The following FOXP2 variants were observed in gnomAD, a reference collection of about 807,000 sequenced individuals.
FOXP2 encodes the protein forkhead box P2, also known as forkhead box protein P2.
Under a neutral mutation model 115.8 loss-of-function variants are expected in FOXP2, and 12 were observed. The observed-to-expected ratio is 0.10, with a 90% CI of 0.07 to 0.17. The LOEUF (loss-of-function observed/expected upper bound fraction) is 0.17, where lower values mean the gene tolerates loss of function less well. Among genes scored for constraint, FOXP2 ranks in the 10% least tolerant of loss-of-function variants. The pLI, the probability that FOXP2 is intolerant of heterozygous loss-of-function variation, is 1.00. For synonymous variants in FOXP2, 328 were observed against 297.7 expected (o/e 1.10, Z -1.05); for missense variants, 629 against 843.5 (o/e 0.75, Z 3.15).
At chr7:114,223,282 G>A (rs1179207843) in intron 1 of FOXP2, among the ~76,000 whole-genome samples, 1 of 151,808 alleles carries the variant, frequency 6.6e-6, no homozygotes, top group East Asian at 1.9e-4. Context: ...TGCTCCTTTT[G>A]TTTCCCTCAG....
At chr7:114,206,184 A>T (rs1794198420) in intron 1 of FOXP2, among the ~76,000 whole-genome samples, 1 of 152,150 alleles carries the variant, frequency 6.6e-6, no homozygotes, top group Admixed American at 6.5e-5. Flanking sequence ...AGACAAAGCA[A>T]GCTGTGAAAT....
chr7:114,231,585 G>A (rs1312550732), intron 1 of FOXP2, among the ~76,000 whole-genome samples: 1 of 152,132 alleles, frequency 6.6e-6, no homozygotes, highest in Non-Finnish European at 1.5e-5. Context: ...TTTGTCAAAT[G>A]ATCTTCCACA....
rs951746440 is a variant in FOXP2 at position 114,429,627 on chromosome 7, A to G, written c.168+2948A>G. 3.3e-5 allele frequency among the ~76,000 whole-genome samples: 5 copies of G among 151,550 alleles called. No homozygotes were observed. In the Admixed American group the frequency reaches 3.3e-4, roughly 10 times the overall value. On this transcript the variant is annotated intron_variant, in intron 2 of 16. Coordinates refer to ENST00000350908, the MANE Select transcript of FOXP2 (RefSeq NM_014491.4). ...ATAGTTGCTAAAACTTGATTGCTTTACAGGGTGGATTTGAGCTTGCATTTT... is the reference window on the plus strand; with the variant it reads ...ATAGTTGCTAAAACTTGATTGCTTTGCAGGGTGGATTTGAGCTTGCATTTT...
At chr7:114,440,569 C>G (rs1372982324) in intron 2 of FOXP2, among the ~76,000 whole-genome samples, 2 of 152,074 alleles carry the variant, frequency 1.3e-5, no homozygotes, top group Non-Finnish European at 2.9e-5. Flanking sequence ...GTTCTGAGAT[C>G]AGAAAATGAC....
intron 1 of FOXP2, among the ~76,000 whole-genome samples, chr7:114,275,196 T>C (rs186087614): frequency 2.0e-5 from 3 of 152,222 alleles, no homozygotes; most frequent in Admixed American, 2.0e-4. Context: ...TGTGGGTTAG[T>C]GTTTGACAAT....
intron 3 of FOXP2, among the ~76,000 whole-genome samples, chr7:114,577,709 C>G (rs74461259): frequency 0.085 from 12,853 of 151,798 alleles, 611 homozygotes; most frequent in Middle Eastern, 0.16. Context: ...TCTTCAGATA[C>G]AGAATTCTAG....
rs183236611 is a variant in FOXP2, at chr7:114,187,646, A to G, written c.-102+24558A>G. ...TCATTTCAAAACTGTTCCAGCCTGT[A>G]ACTAGTACCTGGTTCCAAAGTCACG... On this transcript the variant is annotated intron_variant, in intron 1 of 17. Transcript: ENST00000634411. 6.6e-5 allele frequency among the ~76,000 whole-genome samples: 10 copies of G among 152,354 alleles called. No homozygotes were observed. The East Asian group carries it at 1.7e-3, about 26-fold the overall frequency.
intron 9 of FOXP2, among the ~76,000 whole-genome samples, chr7:114,652,817 T>G (rs1317628887): frequency 6.6e-6 from 1 of 152,292 alleles, no homozygotes; most frequent in African/African-American, 2.4e-5. Context: ...TAAAGGCAGA[T>G]AATTTATATC....
upstream of FOXP2, among the ~76,000 whole-genome samples, chr7:114,087,596 C>T (rs1799446721): frequency 6.8e-6 from 1 of 148,148 alleles, no homozygotes; most frequent in Non-Finnish European, 1.5e-5. Flanking sequence ...GTCCGAACGC[C>T]CTTCGCGCTC....
intron 2 of FOXP2, among the ~76,000 whole-genome samples, chr7:114,531,615 A>G (rs1235161948): frequency 2.0e-5 from 3 of 151,876 alleles, no homozygotes; most frequent in East Asian, 1.9e-4. Flanking sequence ...CCCACCTCTT[A>G]TGTTTACTAT....
At chr7:114,681,221 T>A (rs2129350295) in intron 16 of FOXP2, among the ~76,000 whole-genome samples, 1 of 152,268 alleles carries the variant, frequency 6.6e-6, no homozygotes, top group East Asian at 1.9e-4. Flanking sequence ...TAGGAGATAA[T>A]GTTAATATGT....
At chr7:114,590,028 T>C (rs1802365916) in intron 3 of FOXP2, among the ~76,000 whole-genome samples, 2 of 152,174 alleles carry the variant, frequency 1.3e-5, no homozygotes, top group Non-Finnish European at 2.9e-5. Context: ...TAATATTTTA[T>C]TTAAATTACA....
chr7:114,332,891 T>A (rs895702356), intron 2 of FOXP2, among the ~76,000 whole-genome samples: 3 of 152,190 alleles, frequency 2.0e-5, no homozygotes, highest in African/African-American at 7.2e-5. Flanking sequence ...GCTACATTAT[T>A]GAAAACTTCA....
At chr7:114,482,399 T>C (rs561198467) in intron 2 of FOXP2, among the ~76,000 whole-genome samples, 118 of 151,696 alleles carry the variant, frequency 7.8e-4, no homozygotes, top group Middle Eastern at 3.4e-3. Flanking sequence ...TTATGCCAAA[T>C]TGGATTTTCA....
intron 5 of FOXP2, 124 bp downstream of exon 5, chr7:114,630,129 T>C: frequency 6.5e-7 from 1 of 1,542,700 alleles, no homozygotes; most frequent in East Asian, 2.2e-5. Flanking sequence ...GTATTATATA[T>C]TTTTACTGAG....
chr7:114,439,116 C>T (rs1794484405), intron 2 of FOXP2, among the ~76,000 whole-genome samples: 1 of 152,020 alleles, frequency 6.6e-6, no homozygotes, highest in Non-Finnish European at 1.5e-5. Context: ...ATTGGAGATC[C>T]ATTCTCTTGT....
chr7:114,321,014 GTTGT>G (rs1797406100), intron 2 of FOXP2, among the ~76,000 whole-genome samples: 1 of 151,942 alleles, frequency 6.6e-6, no homozygotes, highest in African/African-American at 2.4e-5. Flanking sequence ...TTATTTCACC[GTTGT>G]TTGAACTTTT....
chr7:114,463,702 A>T (rs1375837302), intron 2 of FOXP2, among the ~76,000 whole-genome samples: 1 of 152,222 alleles, frequency 6.6e-6, no homozygotes, highest in Non-Finnish European at 1.5e-5. Context: ...AGTGGTGGTG[A>T]CTAGATTAGT....
chr7:114,363,450 G>A (rs1028091231), intron 2 of FOXP2, among the ~76,000 whole-genome samples: 38 of 152,064 alleles, frequency 2.5e-4, no homozygotes, highest in Admixed American at 1.1e-3. Context: ...GGCATAAGGC[G>A]AGTGTCTTAA....
Sources: allele counts gnomAD v4.1 joint callset (sites outside exome capture counted in the v4.1 genomes callset), GRCh38; gene constraint gnomAD v4.1.1; transcripts MANE v1.5; gene names NCBI Gene and HGNC (gene_info 2026-07-23, HGNC 2026-07-21).